GPM6A: variants seen among roughly 807,000 people sequenced by gnomAD.
GPM6A encodes neuronal membrane glycoprotein M6-a.
GPM6A carries 7 observed loss-of-function variants against 32.1 expected under a neutral mutation model. The observed-to-expected ratio is 0.22, with a 90% CI of 0.12 to 0.41. The LOEUF is 0.41. GPM6A is among the 10% of genes least tolerant of loss of function. The pLI is 1.00. For synonymous variants in GPM6A, 130 were observed against 123.4 expected, an observed-to-expected ratio of 1.05 and a Z score of -0.35; for missense variants, 235 against 347.2, an observed-to-expected ratio of 0.68 and a Z score of 2.57.
chr4:175,769,678 A>G (rs1381491267), intron 1 of GPM6A, among the ~76,000 whole-genome samples: 1 of 152,172 alleles, frequency 6.6e-6, no homozygotes. Flanking sequence ...TATCTACCAA[A>G]TAAATGATAT....
intron 1 of GPM6A, among the ~76,000 whole-genome samples, chr4:175,709,713 G>A (rs1745424774): frequency 7.6e-6 from 1 of 132,114 alleles, no homozygotes; most frequent in African/African-American, 2.8e-5. Flanking sequence ...GGGTGACAGA[G>A]CAAGACTCCA....
intron 1 of GPM6A, chr4:175,891,753 T>C (rs1737656159): frequency 1.3e-5 from 2 of 152,222 alleles, no homozygotes; most frequent in Admixed American, 1.3e-4. Context: ...CATTGCTCTT[T>C]TAAGACATGT....
chr4:175,960,591 C>T (rs1448797229), intron 1 of GPM6A, among the ~76,000 whole-genome samples: 1 of 152,138 alleles, frequency 6.6e-6, no homozygotes, highest in East Asian at 1.9e-4. Flanking sequence ...TCCGCCATCC[C>T]CCAACCCTGT....
At chr4:175,778,363 G>A (rs189192536) in intron 1 of GPM6A, among the ~76,000 whole-genome samples, 10 of 151,898 alleles carry the variant, frequency 6.6e-5, no homozygotes, top group South Asian at 2.1e-4. Context: ...GCCTAGGTGC[G>A]GTGGCTCATG....
chr4:175,712,695 A>C (rs566563912), intron 1 of GPM6A, among the ~76,000 whole-genome samples: 41 of 152,322 alleles, frequency 2.7e-4, no homozygotes, highest in African/African-American at 9.1e-4. Flanking sequence ...AGTTTATTTC[A>C]CATGCTCACT....
intron 1 of GPM6A, among the ~76,000 whole-genome samples, chr4:175,712,112 A>T (rs1745588551): frequency 6.6e-6 from 1 of 152,258 alleles, no homozygotes; most frequent in South Asian, 2.1e-4. Context: ...AGATCAGACA[A>T]GGAAGAACAA....
At chr4:175,687,940 T>A (rs1212267601) in intron 2 of GPM6A, among the ~76,000 whole-genome samples, 11 of 152,212 alleles carry the variant, frequency 7.2e-5, no homozygotes, top group Admixed American at 7.2e-4. Flanking sequence ...TGGTTAGTGA[T>A]TTGGAACATC....
intron 1 of GPM6A, among the ~76,000 whole-genome samples, chr4:175,916,810 C>T (rs1738508574): frequency 6.6e-6 from 1 of 152,148 alleles, no homozygotes; most frequent in Non-Finnish European, 1.5e-5. Context: ...AGTCTAGATC[C>T]CATGACACTC....
chr4:175,883,295 C>CAT (rs1015002288), intron 1 of GPM6A, among the ~76,000 whole-genome samples: 25 of 151,978 alleles, frequency 1.6e-4, no homozygotes, highest in Non-Finnish European at 3.2e-4. Flanking sequence ...TAATGTGAGC[C>CAT]ATATATGTAA....
At chr4:175,861,908 AC>A (rs966573909) in intron 1 of GPM6A, among the ~76,000 whole-genome samples, 1 of 152,152 alleles carries the variant, frequency 6.6e-6, no homozygotes, top group African/African-American at 2.4e-5. Flanking sequence ...AAAATAAATA[AC>A]TAGATGGAGG....
chr4:175,787,956 C>CT (rs1161138760), intron 1 of GPM6A: 8 of 152,182 alleles, frequency 5.3e-5, no homozygotes, highest in African/African-American at 1.9e-4. Flanking sequence ...TACATATATA[C>CT]TTTGAAGTTT....
chr4:175,874,395 G>T (rs9991658), intron 1 of GPM6A, among the ~76,000 whole-genome samples: 6 of 152,266 alleles, frequency 3.9e-5, no homozygotes, highest in African/African-American at 7.2e-5. Context: ...AGCCAACGGG[G>T]TTCTGGACGC....
intron 1 of GPM6A, chr4:175,970,806 C>T (rs1740477532): frequency 4.5e-6 from 2 of 441,098 alleles, no homozygotes; most frequent in African/African-American, 2.0e-5. Context: ...TCTTTGTCAC[C>T]GCTTCTACTA....
intron 1 of GPM6A, among the ~76,000 whole-genome samples, chr4:175,769,518 C>G (rs977671917): frequency 6.6e-6 from 1 of 151,760 alleles, no homozygotes; most frequent in Admixed American, 6.6e-5. Context: ...TTGCCCAGGG[C>G]CCCCCTGTGA....
chr4:175,830,131 T>A (rs1735563688), intron 1 of GPM6A, among the ~76,000 whole-genome samples: 1 of 151,836 alleles, frequency 6.6e-6, no homozygotes, highest in Non-Finnish European at 1.5e-5. Flanking sequence ...CACATGAATA[T>A]GGAGAGGTGG....
intron 1 of GPM6A, among the ~76,000 whole-genome samples, chr4:175,969,184 CT>C (rs1450113227): frequency 6.6e-6 from 1 of 152,132 alleles, no homozygotes; most frequent in African/African-American, 2.4e-5. Context: ...ATGACTGCAA[CT>C]ATATGACATT....
chr4:175,722,589 C>G (rs950105632), intron 1 of GPM6A, among the ~76,000 whole-genome samples: 3 of 152,092 alleles, frequency 2.0e-5, no homozygotes, highest in African/African-American at 7.2e-5. Context: ...CCATAATTTA[C>G]TTTTACCAAC....
At position 175,930,894 on chromosome 4, in the gene GPM6A, G is replaced by T. The variant is rs1338581267; in HGVS notation, c.-23+71415C>A. On this transcript the variant is annotated intron_variant, in intron 1 of 7. Transcript: ENST00000280187. Reference sequence around the variant, plus strand: ...ATGTATGACATTTACACGATACCTGGCATAAACATGTACATAAATTAATTA... The same window carrying T: ...ATGTATGACATTTACACGATACCTGTCATAAACATGTACATAAATTAATTA... Among the ~76,000 whole-genome samples, 4 of 151,988 alleles carry T rather than the reference G, an allele frequency of 2.6e-5. No homozygotes were observed. In the East Asian group the frequency reaches 7.7e-4, roughly 29 times the overall value.
chr4:175,964,406 G>A (rs1462752918), intron 1 of GPM6A, among the ~76,000 whole-genome samples: 1 of 152,074 alleles, frequency 6.6e-6, no homozygotes, highest in Non-Finnish European at 1.5e-5. Context: ...TAGTTCGCAG[G>A]GGCTATCATA....
Sources: allele counts gnomAD v4.1 joint callset (sites outside exome capture counted in the v4.1 genomes callset), GRCh38; gene constraint gnomAD v4.1.1; transcripts MANE v1.5; gene names NCBI Gene and HGNC (gene_info 2026-07-23, HGNC 2026-07-21).